ZKSCAN4: variants seen among roughly 807,000 people sequenced by gnomAD.
The protein encoded by ZKSCAN4 is zinc finger protein with KRAB and SCAN domains 4.
A neutral mutation model predicts 30.8 loss-of-function variants in ZKSCAN4; 23 were observed. That is an observed-to-expected ratio of 0.75 (90% CI 0.54 to 1.06). The LOEUF (loss-of-function observed/expected upper bound fraction) is 1.06, where lower values mean the gene tolerates loss of function less well. Among genes scored for constraint, ZKSCAN4 ranks in the 50% least tolerant of loss-of-function variants. The pLI is 0.00. For synonymous variants in ZKSCAN4, 208 were observed against 252.5 expected (o/e 0.82, Z 1.67); for missense variants, 556 against 665.4 (o/e 0.84, Z 1.81).
Position 28,249,429 on chromosome 6 carries a change from C to G in ZKSCAN4, c.571+258G>C, listed in dbSNP as rs139341401. On this transcript the variant is annotated intron_variant, in intron 2 of 4. Coordinates refer to ENST00000377294, the MANE Select transcript of ZKSCAN4 (RefSeq NM_019110.5). The surrounding 1 kb of genome is among the most constrained non-coding windows in gnomAD (Gnocchi z 4.1). ...ATAGATGAAGGCTCCCTAAATATAT[C>G]TAATGAATGGAGATCACCATGTTGT... 2.0e-5 allele frequency among the ~76,000 whole-genome samples: 3 copies of G among 152,290 alleles called. No homozygotes were observed. In the East Asian group the frequency reaches 5.8e-4, roughly 29 times the overall value.
At chr6:28,246,631 C>T (rs1190789020) in intron 4 of ZKSCAN4, among the ~76,000 whole-genome samples, 26 of 152,048 alleles carry the variant, frequency 1.7e-4, no homozygotes, top group Non-Finnish European at 1.5e-5. Flanking sequence ...GAATCCATGG[C>T]CCATTTCCTG....
At chr6:28,252,761 T>G (rs1761064085), upstream of ZKSCAN4, among the ~76,000 whole-genome samples, 1 of 151,962 alleles carries the variant, frequency 6.6e-6, no homozygotes, top group African/African-American at 2.4e-5. Flanking sequence ...ACTGTAGCCC[T>G]CACCTCCCAC....
the ZKSCAN4 span, among the ~76,000 whole-genome samples, chr6:28,257,356 A>AG: frequency 1.3e-5 from 2 of 152,174 alleles, no homozygotes; most frequent in South Asian, 4.1e-4. Flanking sequence ...ACATGGACAC[A>AG]GCGAGTGGAA....
In ZKSCAN4 at chr6:28,248,151, TAAGA is replaced by T. The variant is rs754363065; in HGVS notation, c.572-6_572-3del. 86 of 1,611,958 alleles carry T rather than the reference TAAGA, an allele frequency of 5.3e-5. No homozygotes were observed. In the South Asian group the frequency reaches 7.2e-4, roughly 13 times the overall value. On this transcript the variant is annotated splice_region_variant and splice_polypyrimidine_tract_variant and intron_variant, in intron 2 of 4. Transcript: ENST00000377294. ...GGGCAAGCCCAGGAACCTGGAGAAC[TAAGA>T]AAGAAAGAAGCTCTGGATGAGAACT...
At position 28,242,333 on chromosome 6, in the gene ZKSCAN4, T is replaced by C. The variant is rs1410323794; in HGVS notation, c.*2783A>G. 6.6e-6 allele frequency among the ~76,000 whole-genome samples: 1 copy of C among 152,198 alleles called. No homozygotes were observed. The highest frequency in any genetic ancestry group is 1.5e-5 in the Non-Finnish European group (1 of 68,018). ...TCAGCTATTTATAAACACATACCAC[T>C]GTTTTATAGAAAAGTGGAGTATCTA... On this transcript the variant is annotated 3_prime_UTR_variant, in exon 5 of 5. Coordinates refer to ENST00000377294, the MANE Select transcript of ZKSCAN4 (RefSeq NM_019110.5).
chr6:28,247,496 A>AG (rs1403493781), intron 3 of ZKSCAN4, among the ~76,000 whole-genome samples: 2 of 152,062 alleles, frequency 1.3e-5, no homozygotes, highest in Admixed American at 6.6e-5. Flanking sequence ...TTAGGGGAAA[A>AG]AAAGGATACT....
Position 28,252,099 on chromosome 6 carries a change from C to A in ZKSCAN4, c.-119G>T. The A allele has an allele frequency of 8.8e-7, 1 of 1,132,416 alleles. No homozygotes were observed. Among genetic ancestry groups the A allele is most frequent in the Non-Finnish European group, 1.2e-6 (1 of 807,480 alleles). 70.1% of individuals were successfully genotyped at this position (1,132,416 alleles called of 1,614,324 possible). On this transcript the variant is annotated 5_prime_UTR_variant, in exon 1 of 5. Coordinates refer to ENST00000377294, the MANE Select transcript of ZKSCAN4 (RefSeq NM_019110.5). ...CAAGTGGTCCCCCTCCTGTCATGCC[C>A]AGGGGCCCAGGACACCCCCTGAGGC...
In ZKSCAN4 at chr6:28,248,149, A is replaced by G. The variant is rs1213604466; in HGVS notation, c.572T>C (p.Val191Ala). Residue 191 changes from valine (V) to alanine (A), a missense_variant and splice_region_variant, in exon 3 of 5, where the codon GTT (valine) becomes GCT (alanine). Val to Ala is a moderately conservative substitution (Grantham distance 64). Around this residue, in one of 3 missense-constraint regions of ZKSCAN4, gnomAD observed 433 missense variants for 511.5 expected, o/e 0.85. Coordinates refer to ENST00000377294, the MANE Select transcript of ZKSCAN4 (RefSeq NM_019110.5). Reference protein sequence around the residue: ...SLGSQPLHDRVLQVPGLAQGG... With the variant: ...SLGSQPLHDRALQVPGLAQGG... Reference sequence around the variant, plus strand: ...CTGGGCAAGCCCAGGAACCTGGAGAACTAAGAAAGAAAGAAGCTCTGGATG... The same window carrying G: ...CTGGGCAAGCCCAGGAACCTGGAGAGCTAAGAAAGAAAGAAGCTCTGGATG... 3.1e-6 allele frequency: 5 copies of G among 1,612,380 alleles called. No individual in the cohort carries two copies. In the Admixed American group the frequency reaches 8.4e-5, roughly 27 times the overall value.
Position 28,249,768 on chromosome 6 carries a change from C to T in ZKSCAN4, c.490G>A (p.Gly164Arg). 1 of 1,614,094 alleles carries T rather than the reference C, an allele frequency of 6.2e-7. No individual in the cohort carries two copies. Among genetic ancestry groups the T allele is most frequent in the Non-Finnish European group, 8.5e-7 (1 of 1,180,010 alleles). Residue 164 changes from glycine (G) to arginine (R), a missense_variant, in exon 2 of 5, where the codon GGG becomes AGG. By Grantham distance (125) the Gly-to-Arg change is moderately radical. This residue lies in a region of ZKSCAN4 where 433 missense variants were observed against 511.5 expected (regional missense o/e 0.85). Transcript: ENST00000377294. This position sits in a 1 kb window ranked among gnomAD's most constrained non-coding sequence, Gnocchi z 4.1. Reference protein sequence around the residue: ...CKMALLTQTQGSQSSQCQPMK... With the variant: ...CKMALLTQTQRSQSSQCQPMK... The stretch of plus-strand genomic sequence containing the variant: ...GGCTGGCACTGGCTACTTTGAGACC[C>T]TTGAGTTTGTGTCAATAGTGCCATC...
At position 28,243,391 on chromosome 6, in the gene ZKSCAN4, G is replaced by T. The variant is rs1045501367; in HGVS notation, c.*1725C>A. Reference sequence around the variant, plus strand: ...GATGCTGGTGACTGAATAAAACATGGTCAGGGATTTCATCAGAAGCAGAAT... The same window carrying T: ...GATGCTGGTGACTGAATAAAACATGTTCAGGGATTTCATCAGAAGCAGAAT... On this transcript the variant is annotated 3_prime_UTR_variant, in exon 5 of 5. Coordinates refer to ENST00000377294, the MANE Select transcript of ZKSCAN4 (RefSeq NM_019110.5). 2.0e-5 allele frequency among the ~76,000 whole-genome samples: 3 copies of T among 152,174 alleles called. No individual in the cohort carries two copies. The highest frequency in any genetic ancestry group is 2.0e-4 in the Admixed American group (3 of 15,276).
At position 28,245,689 on chromosome 6, in the gene ZKSCAN4, C is replaced by G. The variant is rs1443743449; in HGVS notation, c.1065G>C (p.Lys355Asn). 1 of 1,613,746 alleles carries G rather than the reference C, an allele frequency of 6.2e-7. No individual in the cohort carries two copies. Among genetic ancestry groups the G allele is most frequent in the African/African-American group, 1.3e-5 (1 of 74,828 alleles). The change falls in exon 5 of 5, where the codon AAG becomes AAC. Residue 355 changes from lysine to asparagine, a missense_variant. By Grantham distance (94) the Lys-to-Asn change is moderately conservative. This residue lies in a region of ZKSCAN4 where 433 missense variants were observed against 511.5 expected (regional missense o/e 0.85). Coordinates refer to ENST00000377294, the MANE Select transcript of ZKSCAN4 (RefSeq NM_019110.5). Reference sequence around the variant, plus strand: ...CAAGGGCAGAGCTCCCAATGAAGGTCTTTCCACAGTCTTCACATTCATAGG... The same window carrying G: ...CAAGGGCAGAGCTCCCAATGAAGGTGTTTCCACAGTCTTCACATTCATAGG... ...EKPYECEDCG[K>N]TFIGSSALVI...
Position 28,245,455 on chromosome 6 carries a change from C to T in ZKSCAN4, c.1299G>A (p.Gln433=), listed in dbSNP as rs571517020. 5.5e-5 allele frequency: 89 copies of T among 1,614,228 alleles called. No homozygotes were observed. In the Admixed American group the frequency reaches 1.4e-3, roughly 26 times the overall value. The change falls in exon 5 of 5, where the codon CAG becomes CAA. Residue 433 remains glutamine (Q), a synonymous_variant. Transcript: ENST00000377294. ...HKIHTGEKPY[Q]CNMCGKAFRR... ...TAAAGGCTTTGCCACACATATTGCACTGGTATGGCTTCTCCCCAGTATGAA... is the reference window on the plus strand; with the variant it reads ...TAAAGGCTTTGCCACACATATTGCATTGGTATGGCTTCTCCCCAGTATGAA...
rs771741402 is a variant in ZKSCAN4 at position 28,251,784 on chromosome 6, C to T, written c.197G>A (p.Gly66Asp). 1.7e-5 allele frequency: 27 copies of T among 1,613,974 alleles called. No homozygotes were observed. The South Asian group carries it at 2.9e-4, about 17-fold the overall frequency. Residue 66 changes from glycine to aspartate, a missense_variant, in exon 1 of 5, where the codon GGC becomes GAC. By Grantham distance (94) the Gly-to-Asp change is moderately conservative (BLOSUM62 -1). Transcript: ENST00000377294. The surrounding 1 kb of genome is among the most constrained non-coding windows in gnomAD (Gnocchi z 4.5). The part of the protein sequence containing the change: ...FRGFRYPEAA[G>D]PREALSRLRE... ...GAGCCGGCTCAACGCCTCGCGGGGGCCCGCAGCCTCCGGGTAGCGGAAGCC... is the reference window on the plus strand; with the variant it reads ...GAGCCGGCTCAACGCCTCGCGGGGGTCCGCAGCCTCCGGGTAGCGGAAGCC...
upstream of ZKSCAN4, among the ~76,000 whole-genome samples, chr6:28,255,002 C>T (rs1273034950): frequency 6.6e-6 from 1 of 152,124 alleles, no homozygotes; most frequent in Non-Finnish European, 1.5e-5. Context: ...ATGTTAAATT[C>T]AACCTGTTCA....
At chr6:28,257,822 A>G in the ZKSCAN4 span, among the ~76,000 whole-genome samples, 1 of 152,218 alleles carries the variant, frequency 6.6e-6, no homozygotes, top group Non-Finnish European at 1.5e-5. Context: ...GAAGTATTTC[A>G]TCAACCAGCT....
rs1382851632 is a variant in ZKSCAN4, at chr6:28,249,720, C to A, written c.538G>T (p.Glu180Ter). 1 of 1,614,038 alleles carries A rather than the reference C, an allele frequency of 6.2e-7. No individual in the cohort carries two copies. Among genetic ancestry groups the A allele is most frequent in the East Asian group, 2.2e-5 (1 of 44,898 alleles). ...TGTAAGGGCTGGGATCCCAGAGATT[C>A]ATGCTTGAACAGAGCCTTCATTGGC... ...CQPMKALFKH[E>*]SLGSQPLHDR... is the part of the protein sequence containing the mutation. Residue 180 changes from glutamate to a stop codon, truncating the protein, a stop_gained, in exon 2 of 5, where the codon GAA becomes TAA. Coordinates refer to ENST00000377294, the MANE Select transcript of ZKSCAN4 (RefSeq NM_019110.5). LOFTEE classifies it high-confidence loss of function. The surrounding 1 kb of genome is among the most constrained non-coding windows in gnomAD (Gnocchi z 4.1).
Position 28,248,110 on chromosome 6 carries a change from C to T in ZKSCAN4, c.611G>A (p.Arg204Lys), listed in dbSNP as rs1436503657. The T allele has an allele frequency of 6.2e-7, 1 of 1,613,808 alleles. No homozygotes were observed. The highest frequency in any genetic ancestry group is 1.1e-5 in the South Asian group (1 of 90,988). Residue 204 changes from arginine (R) to lysine (K), a missense_variant, in exon 3 of 5, where the codon AGA becomes AAA. By Grantham distance (26) the Arg-to-Lys change is conservative. Transcript: ENST00000377294. ...CCTGGAAGCTACCATTGCATCTTCTCTGCAGCACCCTCCCTGGGCAAGCCC... is the reference window on the plus strand; with the variant it reads ...CCTGGAAGCTACCATTGCATCTTCTTTGCAGCACCCTCCCTGGGCAAGCCC... ...VPGLAQGGCC[R>K]EDAMVASRLT... is the part of the protein sequence containing the mutation.
chr6:28,251,753 T>G lies in ZKSCAN4; in HGVS notation c.228A>C (p.Glu76Asp), dbSNP rs747093868. The G allele has an allele frequency of 6.2e-7, 1 of 1,614,126 alleles. No individual in the cohort carries two copies. The highest frequency in any genetic ancestry group is 8.5e-7 in the Non-Finnish European group (1 of 1,179,996). ...CAGGCTGCAGCCATTGTCCGCAGAG[T>G]TCTCGGAGCCGGCTCAACGCCTCGC... ...GPREALSRLR[E>D]LCGQWLQPEM... Residue 76 changes from glutamate (E) to aspartate (D), a missense_variant, in exon 1 of 5, where the codon GAA becomes GAC. By Grantham distance (45) the Glu-to-Asp change is conservative (BLOSUM62 2). Coordinates refer to ENST00000377294, the MANE Select transcript of ZKSCAN4 (RefSeq NM_019110.5). The surrounding 1 kb of genome is among the most constrained non-coding windows in gnomAD (Gnocchi z 4.5).
At position 28,242,226 on chromosome 6, in the gene ZKSCAN4, T is replaced by C. The variant is rs1286234695; in HGVS notation, c.*2890A>G. Among the ~76,000 whole-genome samples the C allele has an allele frequency of 6.6e-6, 1 of 152,222 alleles. No homozygotes were observed. Among genetic ancestry groups the C allele is most frequent in the Non-Finnish European group, 1.5e-5 (1 of 68,018 alleles). The stretch of plus-strand genomic sequence containing the variant: ...CTGCTTATATCTCAACTAAGTAGTT[T>C]ACTTTACTAGATCTAATTTCATTGG... On this transcript the variant is annotated 3_prime_UTR_variant, in exon 5 of 5. Transcript: ENST00000377294.
Sources: gnomAD v4.1 joint callset for allele counts (sites outside exome capture counted in the v4.1 genomes callset) on GRCh38, gnomAD v4.1.1 for gene constraint, gnomAD v4.1.1 regional missense constraint, Gnocchi (gnomAD v3.1) non-coding constraint, MANE v1.5 for transcripts, NCBI Gene and HGNC (gene_info 2026-07-23, HGNC 2026-07-21) for gene names.